The following PPME1 variants were observed in gnomAD, a reference collection of about 807,000 sequenced individuals.
PPME1 encodes the protein testicular secretory protein Li 39.
PPME1 carries 17 observed loss-of-function variants against 56.9 expected under a neutral mutation model. The observed-to-expected ratio is 0.30, with a 90% CI of 0.20 to 0.45. The LOEUF is 0.45. Ranked by LOEUF, PPME1 falls within the 20% of genes least tolerant of loss-of-function variation. The probability of loss-of-function intolerance (pLI) is 1.00; values close to 1 mark genes in which losing one functional copy is unlikely to be tolerated. For synonymous variants in PPME1, 122 were observed against 156.2 expected (o/e 0.78, Z 1.63); for missense variants, 357 against 483.2 (o/e 0.74, Z 2.45).
intron 3 of PPME1, among the ~76,000 whole-genome samples, chr11:74,207,179 C>T (rs1385685661): frequency 1.3e-5 from 2 of 152,174 alleles, no homozygotes; most frequent in African/African-American, 4.8e-5. Context: ...TACAAAGCAA[C>T]CCAGGTCCTC....
At chr11:74,223,338 A>G (rs1474132108) in intron 4 of PPME1, among the ~76,000 whole-genome samples, 3 of 150,994 alleles carry the variant, frequency 2.0e-5, no homozygotes, top group Non-Finnish European at 2.9e-5. Flanking sequence ...AATCCAGTCT[A>G]TCATTCTTGG....
chr11:74,219,064 A>G (rs1230225346), intron 3 of PPME1, among the ~76,000 whole-genome samples: 2 of 152,142 alleles, frequency 1.3e-5, no homozygotes, highest in East Asian at 1.9e-4. Flanking sequence ...TAATTTTAAA[A>G]TGGGCAAAAG....
At chr11:74,211,711 CTA>C (rs1374040627) in intron 3 of PPME1, among the ~76,000 whole-genome samples, 1 of 151,828 alleles carries the variant, frequency 6.6e-6, no homozygotes, top group Admixed American at 6.6e-5. Context: ...GCAAAACAAA[CTA>C]TAGGCAAAGG....
chr11:74,210,061 C>T (rs943184980), intron 3 of PPME1, among the ~76,000 whole-genome samples: 1 of 152,140 alleles, frequency 6.6e-6, no homozygotes, highest in South Asian at 2.1e-4. Flanking sequence ...GACCCCATCT[C>T]ATTTATACAT....
intron 1 of PPME1, among the ~76,000 whole-genome samples, chr11:74,200,349 C>T (rs1260741346): frequency 2.1e-5 from 3 of 140,204 alleles, no homozygotes; most frequent in Non-Finnish European, 4.6e-5. Context: ...TATAAACAGT[C>T]ATGTGTTTTG....
intron 1 of PPME1, among the ~76,000 whole-genome samples, chr11:74,189,336 C>T (rs1353978451): frequency 6.6e-6 from 1 of 152,114 alleles, no homozygotes. Context: ...GTCACCCAGG[C>T]TGATGTGCAG....
chr11:74,199,232 T>A (rs1378876504), intron 1 of PPME1, among the ~76,000 whole-genome samples: 1 of 152,244 alleles, frequency 6.6e-6, no homozygotes, highest in African/African-American at 2.4e-5. Flanking sequence ...TTCTCCAAGC[T>A]GGAAGTAATC....
At chr11:74,244,779 A>T (rs1377324592) in intron 9 of PPME1, among the ~76,000 whole-genome samples, 2 of 152,180 alleles carry the variant, frequency 1.3e-5, no homozygotes, top group Non-Finnish European at 2.9e-5. Flanking sequence ...CCAAGAAATC[A>T]TTACCAAGTC....
intron 1 of PPME1, among the ~76,000 whole-genome samples, chr11:74,192,026 C>T (rs558238479): frequency 1.4e-4 from 22 of 152,266 alleles, no homozygotes; most frequent in Non-Finnish European, 2.8e-4. Flanking sequence ...GTAGAGCCAC[C>T]GGCAGCTTGC....
intron 1 of PPME1, among the ~76,000 whole-genome samples, chr11:74,175,479 C>A (rs1289453930): frequency 2.0e-5 from 3 of 151,224 alleles, no homozygotes; most frequent in Non-Finnish European, 2.9e-5. Flanking sequence ...CCAGCCAGGG[C>A]AACAAGAGCG....
At position 74,215,625 on chromosome 11, in the gene PPME1, C is replaced by G. The variant is rs544457770; in HGVS notation, c.289-6687C>G. On this transcript the variant is annotated intron_variant, in intron 3 of 13. Coordinates refer to ENST00000328257, the MANE Select transcript of PPME1 (RefSeq NM_016147.3). Reference sequence around the variant, plus strand: ...AAAGAAGAGAAGACCACAAAACAACCAGAAAACAAAGTTGCAGGAATAAGT... The same window carrying G: ...AAAGAAGAGAAGACCACAAAACAACGAGAAAACAAAGTTGCAGGAATAAGT... 2.0e-5 allele frequency among the ~76,000 whole-genome samples: 3 copies of G among 151,944 alleles called. No individual in the cohort carries two copies. In the East Asian group the frequency reaches 5.8e-4, roughly 29 times the overall value.
intron 1 of PPME1, among the ~76,000 whole-genome samples, chr11:74,194,704 A>C (rs1331073154): frequency 6.6e-6 from 1 of 152,176 alleles, no homozygotes; most frequent in Non-Finnish European, 1.5e-5. Flanking sequence ...AGACAGAAGC[A>C]GTCCCTAATA....
intron 3 of PPME1, among the ~76,000 whole-genome samples, chr11:74,212,162 C>T (rs998148497): frequency 2.0e-5 from 3 of 152,148 alleles, no homozygotes; most frequent in South Asian, 2.1e-4. Flanking sequence ...GCAGTGGTTG[C>T]GTGGAACGGA....
chr11:74,208,094 A>G (rs1275955384), intron 3 of PPME1, among the ~76,000 whole-genome samples: 3 of 152,090 alleles, frequency 2.0e-5, no homozygotes, highest in Non-Finnish European at 4.4e-5. Flanking sequence ...CGGGCAGATC[A>G]CAAGGTCAGG....
intron 3 of PPME1, chr11:74,205,582 G>C (rs1245073963): frequency 6.6e-6 from 1 of 152,122 alleles, no homozygotes; most frequent in African/African-American, 2.4e-5. Flanking sequence ...CTGGCAGCGG[G>C]GATTATTGGG....
At chr11:74,197,932 T>G (rs1858032603) in intron 1 of PPME1, among the ~76,000 whole-genome samples, 1 of 152,222 alleles carries the variant, frequency 6.6e-6, no homozygotes, top group Non-Finnish European at 1.5e-5. Flanking sequence ...ATTTGATTCA[T>G]GTGACTCAGG....
chr11:74,184,989 C>CTTTTTTTT lies in PPME1; in HGVS notation c.101+13488_101+13495dup, dbSNP rs559947122. On this transcript the variant is annotated intron_variant, in intron 1 of 13. Coordinates refer to ENST00000328257, the MANE Select transcript of PPME1 (RefSeq NM_016147.3). ...TTTACTGTTTGCTTATGAAGTATGT[C>CTTTTTTTT]TTTTTTTTTTTTTTTTTTTTTTTTT... Among the ~76,000 whole-genome samples, 4 of 95,744 alleles carry CTTTTTTTT rather than the reference C, an allele frequency of 4.2e-5. 1 individual carries two copies. The highest frequency in any genetic ancestry group is 6.5e-5 in the Non-Finnish European group (3 of 46,190). 62.8% of individuals were successfully genotyped at this position (95,744 alleles called of 152,430 possible). A position where few individuals can be genotyped will look rare whatever the true frequency, so the allele number is the denominator to read the frequency against.
chr11:74,189,171 C>G (rs1055863456), intron 1 of PPME1, among the ~76,000 whole-genome samples: 7 of 152,192 alleles, frequency 4.6e-5, no homozygotes, highest in African/African-American at 1.4e-4. Context: ...AGGCAGATCA[C>G]TTGAGCTCAG....
chr11:74,210,236 C>T (rs1858436986), intron 3 of PPME1, among the ~76,000 whole-genome samples: 1 of 152,134 alleles, frequency 6.6e-6, no homozygotes, highest in Non-Finnish European at 1.5e-5. Context: ...CACCTCTTAC[C>T]TCACTTGATG....
Sources: gnomAD v4.1 joint callset for allele counts (sites outside exome capture counted in the v4.1 genomes callset) on GRCh38, gnomAD v4.1.1 for gene constraint, MANE v1.5 for transcripts, NCBI Gene and HGNC (gene_info 2026-07-23, HGNC 2026-07-21) for gene names.